STAB2: variants seen among roughly 807,000 people sequenced by gnomAD.
STAB2 encodes the protein stabilin 2.
Under a neutral mutation model 338.1 loss-of-function variants are expected in STAB2, and 288 were observed. The ratio of observed to expected loss-of-function variants is 0.85; its 90% CI spans 0.77 to 0.94. STAB2 has a LOEUF of 0.94. STAB2 is among the 40% of genes least tolerant of loss of function. The pLI is 0.00. For missense variants in STAB2, 3,141 were observed against 3,210.1 expected (o/e 0.98, Z 0.52); for synonymous variants, 1,202 against 1,193.3 (o/e 1.01, Z -0.15).
intron 9 of STAB2, among the ~76,000 whole-genome samples, chr12:103,646,835 A>G (rs1873371198): frequency 1.3e-5 from 2 of 152,212 alleles, no homozygotes; most frequent in African/African-American, 2.4e-5. Flanking sequence ...AGCAGAAGAG[A>G]CAATGTCTCC....
chr12:103,608,473 C>G (rs1043617724), intron 3 of STAB2, among the ~76,000 whole-genome samples: 1 of 152,194 alleles, frequency 6.6e-6, no homozygotes, highest in African/African-American at 2.4e-5. Context: ...TGTCTTTTGG[C>G]TGCATAAATG....
intron 34 of STAB2, among the ~76,000 whole-genome samples, chr12:103,699,873 G>T (rs1878711185): frequency 6.6e-6 from 1 of 152,150 alleles, no homozygotes; most frequent in Non-Finnish European, 1.5e-5. Flanking sequence ...CTTCAGCGCT[G>T]GTACAACAAA....
intron 28 of STAB2, 27 bp from the exon 29 acceptor site, chr12:103,689,814 GCAGGT>G: frequency 6.2e-7 from 1 of 1,604,470 alleles, no homozygotes; most frequent in Non-Finnish European, 8.5e-7. Flanking sequence ...CCTAACATAA[GCAGGT>G]CACTTTATTT....
intron 3 of STAB2, among the ~76,000 whole-genome samples, chr12:103,598,905 T>C (rs1956915852): frequency 6.6e-6 from 1 of 152,132 alleles, no homozygotes; most frequent in Admixed American, 6.5e-5. Flanking sequence ...CACAGACTAA[T>C]GAGGGAAATT....
rs1164137029 is a variant in STAB2 at position 103,699,085 on chromosome 12, G to A, written c.3583-11G>A. Reference sequence around the variant, plus strand: ...TCTCTTGACTGACTTCCAATTCTGTGTGTGATCCAGGAGGAGGACGTCCTC... The same window carrying A: ...TCTCTTGACTGACTTCCAATTCTGTATGTGATCCAGGAGGAGGACGTCCTC... On this transcript the variant is annotated splice_polypyrimidine_tract_variant and intron_variant, in intron 33 of 68. Coordinates refer to ENST00000388887, the MANE Select transcript of STAB2 (RefSeq NM_017564.10). 2 of 1,604,180 alleles carry A rather than the reference G, an allele frequency of 1.2e-6. No homozygotes were observed. The highest frequency in any genetic ancestry group is 1.7e-6 in the Non-Finnish European group (2 of 1,172,958).
At chr12:103,593,516 C>A (rs1197267440) in intron 2 of STAB2, among the ~76,000 whole-genome samples, 1 of 152,152 alleles carries the variant, frequency 6.6e-6, no homozygotes, top group Non-Finnish European at 1.5e-5. Flanking sequence ...TTGGACTCTC[C>A]TTCTGCCCAC....
At chr12:103,656,314 A>C (rs1266846999) in intron 15 of STAB2, among the ~76,000 whole-genome samples, 2 of 152,220 alleles carry the variant, frequency 1.3e-5, no homozygotes, top group African/African-American at 4.8e-5. Context: ...GAGATGACCT[A>C]TGACTTCATA....
At chr12:103,737,558 GA>G in intron 52 of STAB2, 75 bp from the exon 53 acceptor site, 1 of 1,470,080 alleles carries the variant, frequency 6.8e-7, no homozygotes. Context: ...AGAGATGTGT[GA>G]AAGAGATTGA....
At position 103,742,444 on chromosome 12, in the gene STAB2, G is replaced by A; in HGVS notation, c.5921G>A (p.Gly1974Asp). The change falls in exon 56 of 69, where the codon GGT becomes GAT. Residue 1974 changes from glycine (G) to aspartate (D), a missense_variant. Physicochemically the swap from Gly to Asp is moderately conservative, Grantham distance 94 (BLOSUM62 -1). Transcript: ENST00000388887. The stretch of plus-strand genomic sequence containing the variant: ...CCAGATGCCCCGTGTAATAACCGGG[G>A]TGTCTGCCTTGATCAGTACTCGGCC... ...GGPDAPCNNRGVCLDQYSATG... is the reference protein window; with the variant it reads ...GGPDAPCNNRDVCLDQYSATG... 1 of 1,614,148 alleles carries A rather than the reference G, an allele frequency of 6.2e-7. No individual in the cohort carries two copies. The highest frequency in any genetic ancestry group is 1.3e-5 in the African/African-American group (1 of 75,030).
chr12:103,676,426 A>C (rs1371684734), intron 24 of STAB2, among the ~76,000 whole-genome samples: 1 of 152,180 alleles, frequency 6.6e-6, no homozygotes, highest in Non-Finnish European at 1.5e-5. Context: ...GAGGAAAGAC[A>C]TTCCATAGGT....
intron 34 of STAB2, among the ~76,000 whole-genome samples, chr12:103,702,224 C>G (rs889397106): frequency 7.3e-5 from 11 of 151,226 alleles, no homozygotes; most frequent in African/African-American, 2.7e-4. Flanking sequence ...CATACCCATG[C>G]CTTGGTTGTT....
At chr12:103,626,670 T>C (rs1957385328) in intron 5 of STAB2, among the ~76,000 whole-genome samples, 1 of 152,214 alleles carries the variant, frequency 6.6e-6, no homozygotes, top group Admixed American at 6.5e-5. Flanking sequence ...GCAAACCTTT[T>C]CATCCAGGCA....
At chr12:103,621,016 GA>G (rs1418550075) in intron 4 of STAB2, among the ~76,000 whole-genome samples, 1 of 152,064 alleles carries the variant, frequency 6.6e-6, no homozygotes, top group Non-Finnish European at 1.5e-5. Context: ...AGAATTGCTT[GA>G]ACCCAGGAGG....
In STAB2 at chr12:103,726,003, C is replaced by T. The variant is rs191431381; in HGVS notation, c.4804-113C>T. On this transcript the variant is annotated intron_variant, in intron 45 of 68. Transcript: ENST00000388887. ...CTACAGATGAAGCTCCAAAAAGGCCCGGTGTTACAGATTTCCAGCTGAAGG... is the reference window on the plus strand; with the variant it reads ...CTACAGATGAAGCTCCAAAAAGGCCTGGTGTTACAGATTTCCAGCTGAAGG... 5.3e-5 allele frequency: 59 copies of T among 1,115,640 alleles called. No individual in the cohort carries two copies. The African/African-American group carries it at 7.0e-4, about 13-fold the overall frequency. 69.1% of individuals were successfully genotyped at this position (1,115,640 alleles called of 1,614,324 possible). A position where few individuals can be genotyped will look rare whatever the true frequency, so the allele number is the denominator to read the frequency against.
In STAB2 at chr12:103,707,004, C is replaced by T; in HGVS notation, c.4192+17C>T. Reference sequence around the variant, plus strand: ...GTGACCAAGGTGAGCACCGTCCTCTCCACAGAGGATCTTGGGCTGCTGAAA... The same window carrying T: ...GTGACCAAGGTGAGCACCGTCCTCTTCACAGAGGATCTTGGGCTGCTGAAA... On this transcript the variant is annotated intron_variant, in intron 38 of 68. Coordinates refer to ENST00000388887, the MANE Select transcript of STAB2 (RefSeq NM_017564.10). 6.2e-7 allele frequency: 1 copy of T among 1,612,312 alleles called. No homozygotes were observed. Among genetic ancestry groups the T allele is most frequent in the African/African-American group, 1.3e-5 (1 of 75,022 alleles).
In STAB2 at chr12:103,650,402, C is replaced by T. The variant is rs575712419; in HGVS notation, c.1175-94C>T. ...AGAATAGAGAAGGGCATAAATGGAC[C>T]GGTCGTGACCCAAGACCTGTTGCCT... On this transcript the variant is annotated intron_variant, in intron 10 of 68. Coordinates refer to ENST00000388887, the MANE Select transcript of STAB2 (RefSeq NM_017564.10). 288 of 943,554 alleles carry T rather than the reference C, an allele frequency of 3.1e-4. No individual in the cohort carries two copies. In the Middle Eastern group the frequency reaches 3.6e-3, roughly 12 times the overall value. The allele number at this position is 943,554 out of a possible 1,614,324, so 58.4% of individuals were successfully genotyped here. A position where few individuals can be genotyped will look rare whatever the true frequency, so the allele number is the denominator to read the frequency against.
chr12:103,591,283 G>A (rs1238131957), intron 2 of STAB2, among the ~76,000 whole-genome samples: 1 of 151,940 alleles, frequency 6.6e-6, no homozygotes. Context: ...TCAGGAGTTC[G>A]AGACCAACCT....
chr12:103,712,444 G>A lies in STAB2; in HGVS notation c.4411+1G>A, dbSNP rs1391887221. The A allele has an allele frequency of 6.2e-7, 1 of 1,612,392 alleles. No individual in the cohort carries two copies. ...CAAGGAAACGGGACCATCTGCACAG[G>A]CAAGCGAAGGAAGGAATTTGCTGGG... On this transcript the variant is annotated splice_donor_variant, in intron 41 of 68. Transcript: ENST00000388887. LOFTEE classifies it high-confidence loss of function.
intron 25 of STAB2, among the ~76,000 whole-genome samples, chr12:103,682,716 G>A (rs144733744): frequency 0.012 from 1,819 of 152,214 alleles, 40 homozygotes; most frequent in East Asian, 0.054. Flanking sequence ...TTGGGAGGCC[G>A]AGGCAGGCGT....
Sources: allele counts gnomAD v4.1 joint callset (sites outside exome capture counted in the v4.1 genomes callset), GRCh38; gene constraint gnomAD v4.1.1; transcripts MANE v1.5; gene names NCBI Gene and HGNC (gene_info 2026-07-23, HGNC 2026-07-21).